The following C8orf34 variants were observed in gnomAD, a reference collection of about 807,000 sequenced individuals.
C8orf34 encodes the protein chromosome 8 open reading frame 34.
A neutral mutation model predicts 68.3 loss-of-function variants in C8orf34; 65 were observed. The ratio of observed to expected loss-of-function variants is 0.95; its 90% confidence interval spans 0.78 to 1.17. C8orf34 has a LOEUF of 1.17. Ranked by LOEUF, C8orf34 falls within the 50% of genes most tolerant of loss-of-function variation. The pLI is 0.00. For missense variants in C8orf34, 664 were observed against 655.4 expected (o/e 1.01, Z -0.14); for synonymous variants, 244 against 241.2 (o/e 1.01, Z -0.11).
At chr8:68,540,406 G>C (rs146212011) in intron 7 of C8orf34, among the ~76,000 whole-genome samples, 1 of 151,276 alleles carries the variant, frequency 6.6e-6, no homozygotes, top group African/African-American at 2.4e-5. Flanking sequence ...TTCATATATA[G>C]TTTTAATTTC....
At chr8:68,790,903 A>G (rs772064400) in intron 12 of C8orf34, 18 of 698,900 alleles carry the variant, frequency 2.6e-5, no homozygotes, top group Admixed American at 1.8e-4. Context: ...AAAGTTGAGA[A>G]CTAGAAGAAA....
intron 1 of C8orf34, among the ~76,000 whole-genome samples, chr8:68,396,479 C>A (rs1808712577): frequency 6.6e-6 from 1 of 151,870 alleles, no homozygotes; most frequent in African/African-American, 2.4e-5. Context: ...AAGGCCCTTC[C>A]AGTTCTAGCA....
rs1824856944 is a variant in C8orf34 at position 68,817,579 on chromosome 8, A to C, written c.1610-660A>C. Among the ~76,000 whole-genome samples, 3 of 152,202 alleles carry C rather than the reference A, an allele frequency of 2.0e-5. No individual in the cohort carries two copies. The South Asian group carries it at 6.2e-4, about 31-fold the overall frequency. On this transcript the variant is annotated intron_variant, in intron 13 of 13. Transcript: ENST00000518698. ...CAAAATGTTTATGGTCTAATTGGCGAATCAAAAATATTAAATATAACTATG... is the reference window on the plus strand; with the variant it reads ...CAAAATGTTTATGGTCTAATTGGCGCATCAAAAATATTAAATATAACTATG...
intron 10 of C8orf34, among the ~76,000 whole-genome samples, chr8:68,772,820 G>T (rs182919905): frequency 0.029 from 3,307 of 115,510 alleles, 110 homozygotes; most frequent in African/African-American, 0.096. Flanking sequence ...CTTTCTTTCT[G>T]TCTGTCTTTC....
At chr8:68,331,401 A>G (rs1442157452) in intron 1 of C8orf34, 62 bp downstream of exon 1, 10 of 1,480,630 alleles carry the variant, frequency 6.8e-6, no homozygotes, top group Middle Eastern at 1.7e-4. Flanking sequence ...AGTAATGAAA[A>G]CAGAACACTC....
intron 12 of C8orf34, among the ~76,000 whole-genome samples, chr8:68,806,550 C>A (rs1017128508): frequency 7.2e-5 from 11 of 152,010 alleles, no homozygotes; most frequent in African/African-American, 2.7e-4. Context: ...TATTTTTAGT[C>A]ACCTGTTAGA....
chr8:68,581,927 T>C (rs916737941), intron 7 of C8orf34, among the ~76,000 whole-genome samples: 1 of 152,138 alleles, frequency 6.6e-6, no homozygotes, highest in African/African-American at 2.4e-5. Flanking sequence ...ACTCCTGTGA[T>C]ATTTGGGAAA....
At chr8:68,360,449 C>T (rs948985623) in intron 1 of C8orf34, among the ~76,000 whole-genome samples, 1 of 152,170 alleles carries the variant, frequency 6.6e-6, no homozygotes, top group Non-Finnish European at 1.5e-5. Flanking sequence ...AGACAAAATG[C>T]AGAGTTCATG....
At chr8:68,750,127 C>G (rs541047538) in intron 10 of C8orf34, among the ~76,000 whole-genome samples, 5 of 152,020 alleles carry the variant, frequency 3.3e-5, no homozygotes, top group African/African-American at 9.7e-5. Context: ...AGGAATATAT[C>G]CAAACAAATT....
intron 12 of C8orf34, among the ~76,000 whole-genome samples, chr8:68,808,821 A>G (rs930199799): frequency 3.3e-5 from 5 of 152,110 alleles, no homozygotes; most frequent in Non-Finnish European, 7.3e-5. Context: ...CTCTCCTACA[A>G]GGACTTCAGT....
At chr8:68,628,476 A>G (rs1818600546) in intron 7 of C8orf34, among the ~76,000 whole-genome samples, 1 of 152,116 alleles carries the variant, frequency 6.6e-6, no homozygotes, top group African/African-American at 2.4e-5. Flanking sequence ...ACATAACAAA[A>G]ATGTTTTCAT....
intron 5 of C8orf34, among the ~76,000 whole-genome samples, chr8:68,521,112 T>C (rs1814736794): frequency 6.6e-6 from 1 of 152,230 alleles, no homozygotes; most frequent in African/African-American, 2.4e-5. Context: ...TACACTGATA[T>C]GAATTTTTTA....
intron 7 of C8orf34, among the ~76,000 whole-genome samples, chr8:68,574,794 G>A (rs952314335): frequency 6.6e-6 from 1 of 151,882 alleles, no homozygotes; most frequent in African/African-American, 2.4e-5. Context: ...TAATAGCAGT[G>A]TAGTTTCTTC....
intron 4 of C8orf34, among the ~76,000 whole-genome samples, 163 bp downstream of exon 4, chr8:68,468,983 AT>A (rs1812266946): frequency 6.6e-6 from 1 of 152,074 alleles, no homozygotes; most frequent in Non-Finnish European, 1.5e-5. Context: ...GATTTTGCAT[AT>A]TATACAGATT....
intron 7 of C8orf34, among the ~76,000 whole-genome samples, chr8:68,605,319 A>G (rs980519186): frequency 6.6e-6 from 1 of 152,156 alleles, no homozygotes; most frequent in Non-Finnish European, 1.5e-5. Flanking sequence ...ATAAAACTAA[A>G]TATACTTTTA....
intron 7 of C8orf34, among the ~76,000 whole-genome samples, chr8:68,621,264 C>G (rs1818381481): frequency 6.6e-6 from 1 of 151,984 alleles, no homozygotes; most frequent in South Asian, 2.1e-4. Flanking sequence ...GTGTGTGTGT[C>G]TTCTATGAAA....
At chr8:68,809,602 C>CA (rs1472708702) in intron 12 of C8orf34, among the ~76,000 whole-genome samples, 1 of 151,946 alleles carries the variant, frequency 6.6e-6, no homozygotes, top group Non-Finnish European at 1.5e-5. Flanking sequence ...GACTCCAAAA[C>CA]AAAAAAGAAC....
chr8:68,556,101 A>T (rs188980870), intron 7 of C8orf34, among the ~76,000 whole-genome samples: 2 of 152,246 alleles, frequency 1.3e-5, no homozygotes, highest in Admixed American at 6.5e-5. Flanking sequence ...CATCCAAATT[A>T]TTAGCTTTGA....
At chr8:68,437,687 C>G (rs1810722089) in intron 1 of C8orf34, among the ~76,000 whole-genome samples, 1 of 151,944 alleles carries the variant, frequency 6.6e-6, no homozygotes. Flanking sequence ...ATGAATAATA[C>G]CTGTGACAAC....
Sources: gnomAD v4.1 joint callset for allele counts (sites outside exome capture counted in the v4.1 genomes callset) on GRCh38, gnomAD v4.1.1 for gene constraint, MANE v1.5 for transcripts, NCBI Gene and HGNC (gene_info 2026-07-23, HGNC 2026-07-21) for gene names.